DOCK9: variants seen among roughly 807,000 people sequenced by gnomAD.
DOCK9 encodes the protein dedicator of cytokinesis 9, also known as dedicator of cytokinesis protein 9.
Under a neutral mutation model 263.3 loss-of-function variants are expected in DOCK9, and 89 were observed. That is an observed-to-expected ratio of 0.34 (90% CI 0.28 to 0.40). The LOEUF is 0.40. DOCK9 is among the 10% of genes least tolerant of loss of function. DOCK9 has a pLI of 1.00. For synonymous variants in DOCK9, 976 were observed against 973.1 expected (o/e 1.00, Z -0.06); for missense variants, 2,140 against 2,603.4 (o/e 0.82, Z 3.87).
chr13:98,952,913 C>A lies in DOCK9; in HGVS notation c.243+2522G>T, dbSNP rs1383542344. 3.3e-5 allele frequency among the ~76,000 whole-genome samples: 5 copies of A among 152,312 alleles called. No homozygotes were observed. In the East Asian group the frequency reaches 9.6e-4, roughly 29 times the overall value. Reference sequence around the variant, plus strand: ...GCGTTTTGCTGCTGCCATTTCCTAACCAACTTGGTATTACTTTTCCATATG... The same window carrying A: ...GCGTTTTGCTGCTGCCATTTCCTAAACAACTTGGTATTACTTTTCCATATG... On this transcript the variant is annotated intron_variant, in intron 2 of 52. Coordinates refer to ENST00000682017, the MANE Select transcript of DOCK9 (RefSeq NM_001366683.2).
intron 1 of DOCK9, among the ~76,000 whole-genome samples, chr13:98,965,677 G>A (rs2059116186): frequency 6.6e-6 from 1 of 152,170 alleles, no homozygotes; most frequent in Admixed American, 6.5e-5. Flanking sequence ...CTAAATACTA[G>A]AGGAAAAAGG....
At chr13:98,872,415 G>T (rs1246535754) in intron 27 of DOCK9, among the ~76,000 whole-genome samples, 3 of 149,932 alleles carry the variant, frequency 2.0e-5, no homozygotes, top group South Asian at 2.1e-4. Flanking sequence ...TTTGTTTTTT[G>T]TTTTTTTTTG....
intron 45 of DOCK9, among the ~76,000 whole-genome samples, chr13:98,816,657 G>A (rs1172532630): frequency 1.3e-5 from 2 of 151,738 alleles, no homozygotes; most frequent in African/African-American, 2.4e-5. Flanking sequence ...AAGGGAAGGT[G>A]AGGCATGGAA....
chr13:98,834,631 T>C (rs1400673370), intron 39 of DOCK9: 1 of 152,334 alleles, frequency 6.6e-6, no homozygotes, highest in East Asian at 1.9e-4. Flanking sequence ...TATAAACTAC[T>C]TGAAGTCCAG....
At chr13:98,944,166 A>C (rs1174806549) in intron 2 of DOCK9, among the ~76,000 whole-genome samples, 3 of 152,194 alleles carry the variant, frequency 2.0e-5, no homozygotes, top group African/African-American at 7.2e-5. Context: ...GGGGAACACA[A>C]ACATACAATG....
At position 98,794,085 on chromosome 13, in the gene DOCK9, T is replaced by A. The variant is rs1051705457; in HGVS notation, c.*541A>T. The A allele has an allele frequency of 6.5e-6, 1 of 152,714 alleles. No homozygotes were observed. The highest frequency in any genetic ancestry group is 1.5e-5 in the Non-Finnish European group (1 of 68,120). The allele number at this position is 152,714 out of a possible 1,614,324, so 9.5% of individuals were successfully genotyped here. On this transcript the variant is annotated 3_prime_UTR_variant, in exon 53 of 53. Transcript: ENST00000682017. ...ATTTTCTTAAATGCAAGGAAATGAATATAAAAGCACTAAATCTCCTGGTTC... is the reference window on the plus strand; with the variant it reads ...ATTTTCTTAAATGCAAGGAAATGAAAATAAAAGCACTAAATCTCCTGGTTC...
chr13:99,039,873 T>C (rs2142119574), intron 1 of DOCK9, among the ~76,000 whole-genome samples: 1 of 152,326 alleles, frequency 6.6e-6, no homozygotes, highest in South Asian at 2.1e-4. Flanking sequence ...GCTCCACTTC[T>C]TACTGGCATG....
In DOCK9 at chr13:98,831,581, C is replaced by T. The variant is rs373731018; in HGVS notation, c.4453-51G>A. 17 of 1,591,542 alleles carry T rather than the reference C, an allele frequency of 1.1e-5. 1 individual carries two copies. In the South Asian group the frequency reaches 1.3e-4, roughly 12 times the overall value. On this transcript the variant is annotated intron_variant, in intron 40 of 52. Coordinates refer to ENST00000682017, the MANE Select transcript of DOCK9 (RefSeq NM_001366683.2). ...GATAAACCACAGACAGGTCAGTGCT[C>T]GGTAATGTACCCTTCAATTCCGGGG...
chr13:98,943,776 T>A (rs1480701536), intron 2 of DOCK9, among the ~76,000 whole-genome samples: 1 of 152,200 alleles, frequency 6.6e-6, no homozygotes, highest in Non-Finnish European at 1.5e-5. Flanking sequence ...CTTTCTAGTC[T>A]CATGGAGGCT....
At chr13:99,007,597 G>A (rs761326696) in intron 1 of DOCK9, among the ~76,000 whole-genome samples, 19 of 152,070 alleles carry the variant, frequency 1.2e-4, no homozygotes, top group Non-Finnish European at 2.6e-4. Context: ...CTAAAAGGGT[G>A]AAGACCTCTC....
intron 37 of DOCK9, chr13:98,846,380 G>T: frequency 1.5e-6 from 1 of 662,312 alleles, no homozygotes; most frequent in Non-Finnish European, 2.4e-6. Flanking sequence ...CTGTCAAAAC[G>T]TCACTAATCT....
chr13:99,076,885 T>C (rs755371017), intron 1 of DOCK9, among the ~76,000 whole-genome samples: 11 of 151,958 alleles, frequency 7.2e-5, no homozygotes, highest in Non-Finnish European at 1.0e-4. Flanking sequence ...TTGTGATAAG[T>C]GGTCAAAGGA....
intron 1 of DOCK9, among the ~76,000 whole-genome samples, chr13:99,081,128 G>A (rs756947725): frequency 4.1e-4 from 62 of 152,196 alleles, no homozygotes; most frequent in Admixed American, 7.2e-4. Context: ...CTGGAGGGTG[G>A]AGAAAAACAG....
At position 98,880,655 on chromosome 13, in the gene DOCK9, C is replaced by T. The variant is rs1594917770; in HGVS notation, c.2763G>A (p.Glu921=). 6.2e-7 allele frequency: 1 copy of T among 1,613,744 alleles called. No individual in the cohort carries two copies. Among genetic ancestry groups the T allele is most frequent in the East Asian group, 2.2e-5 (1 of 44,858 alleles). Residue 921 remains glutamate, a synonymous_variant, in exon 26 of 53, where the codon GAG becomes GAA. Coordinates refer to ENST00000682017, the MANE Select transcript of DOCK9 (RefSeq NM_001366683.2). ...TCTTGTATTCAGAGGCAACATATGG[C>T]TCAGCCTTATACGCGTACTTTGAAG... The part of the protein sequence containing the change: ...RSYVKYAYKA[E]PYVASEYKTV...
intron 1 of DOCK9, among the ~76,000 whole-genome samples, chr13:99,071,621 G>C (rs1043481874): frequency 3.3e-5 from 5 of 152,082 alleles, no homozygotes; most frequent in African/African-American, 1.2e-4. Context: ...GGTAGCAGAG[G>C]CAGTAGAGGT....
chr13:98,919,194 C>T (rs1182094592), intron 7 of DOCK9, among the ~76,000 whole-genome samples: 1 of 151,708 alleles, frequency 6.6e-6, no homozygotes, highest in Non-Finnish European at 1.5e-5. Context: ...ACTGCAACCT[C>T]CGCCTCCCAG....
intron 38 of DOCK9, among the ~76,000 whole-genome samples, chr13:98,841,097 T>C (rs760434606): frequency 1.5e-4 from 23 of 152,244 alleles, no homozygotes; most frequent in Middle Eastern, 3.4e-3. Context: ...TGGCAAAGAG[T>C]AGAGAATAGA....
chr13:99,086,381 C>T lies in DOCK9; in HGVS notation c.-30G>A, dbSNP rs1047341566. 4.3e-6 allele frequency: 5 copies of T among 1,164,732 alleles called. No homozygotes were observed. The African/African-American group carries it at 4.9e-5, about 11-fold the overall frequency. 72.1% of individuals were successfully genotyped at this position (1,164,732 alleles called of 1,614,324 possible). A position where few individuals can be genotyped will look rare whatever the true frequency, so the allele number is the denominator to read the frequency against. On this transcript the variant is annotated 5_prime_UTR_variant, in exon 1 of 33. Transcript: ENST00000427887. ...CTGCCCCCGCCGCCTCCGCCTCCGC[C>T]TGCTCCCGCGGCCCGGCCCGGCCGC...
intron 1 of DOCK9, among the ~76,000 whole-genome samples, chr13:99,082,705 TAGAATATACGCCAGCCACTGCCTA>T (rs2042176896): frequency 6.6e-6 from 1 of 152,108 alleles, no homozygotes; most frequent in Non-Finnish European, 1.5e-5. Context: ...AAGTAGCTGG[TAGAATATACGCCAGCCACTGCCTA>T]AGAGCTTCAC....
Sources: allele counts gnomAD v4.1 joint callset (sites outside exome capture counted in the v4.1 genomes callset), GRCh38; gene constraint gnomAD v4.1.1; transcripts MANE v1.5; gene names NCBI Gene and HGNC (gene_info 2026-07-23, HGNC 2026-07-21).